Variants in UBAP2 observed in about 807,000 individuals in gnomAD.
UBAP2 encodes the protein ubiquitin-associated protein 2.
A neutral mutation model predicts 139.6 loss-of-function variants in UBAP2; 75 were observed. The ratio of observed to expected loss-of-function variants is 0.54; its 90% CI spans 0.45 to 0.65. The LOEUF (loss-of-function observed/expected upper bound fraction) is 0.65. UBAP2 is among the 30% of genes least tolerant of loss of function. The pLI, the probability that UBAP2 is intolerant of heterozygous loss-of-function variation, is 0.00. For synonymous variants in UBAP2, 526 were observed against 526.2 expected (o/e 1.00, Z 0.01); for missense variants, 1,368 against 1,369.6 (o/e 1.00, Z 0.02).
Position 34,044,655 on chromosome 9 carries a change from A to T in UBAP2, c.-42+4170T>A, listed in dbSNP as rs377548403. On this transcript the variant is annotated intron_variant, in intron 1 of 28. Coordinates refer to ENST00000379238, the MANE Select transcript of UBAP2 (RefSeq NM_001370062.2). ...CAAGGCAGGTGGATCACCTGAGGTCAGGAGTTCCAAGACCAATATGGCCAA... is the reference window on the plus strand; with the variant it reads ...CAAGGCAGGTGGATCACCTGAGGTCTGGAGTTCCAAGACCAATATGGCCAA... Among the ~76,000 whole-genome samples, 8 of 151,880 alleles carry T rather than the reference A, an allele frequency of 5.3e-5. No homozygotes were observed. In the East Asian group the frequency reaches 1.6e-3, roughly 30 times the overall value.
At chr9:34,035,514 A>AAAAAATATATATATATATATATATAT in intron 1 of UBAP2, among the ~76,000 whole-genome samples, 12 of 22,482 alleles carry the variant, frequency 5.3e-4, no homozygotes, top group African/African-American at 1.0e-3. Flanking sequence ...AAAAAAAAAA[A>AAAAAATATATATATATATATATATAT]ATATATATAT....
At chr9:34,048,531 G>A (rs1279889199) in intron 1 of UBAP2, among the ~76,000 whole-genome samples, 1 of 152,144 alleles carries the variant, frequency 6.6e-6, no homozygotes, top group Non-Finnish European at 1.5e-5. Flanking sequence ...GCAGAAACCC[G>A]AAAGGGGGGA....
intron 16 of UBAP2, 110 bp downstream of exon 16, chr9:33,941,539 G>A: frequency 6.4e-6 from 6 of 939,182 alleles, no homozygotes; most frequent in Non-Finnish European, 9.8e-6. Context: ...CTACTCAAAA[G>A]GTTAGTCAAT....
At chr9:33,976,968 C>T (rs139155369) in intron 6 of UBAP2, among the ~76,000 whole-genome samples, 19,109 of 148,572 alleles carry the variant, frequency 0.13, 1,543 homozygotes, top group African/African-American at 0.22. Context: ...GCCGAGATGG[C>T]GCCACTGCAC....
intron 7 of UBAP2, among the ~76,000 whole-genome samples, chr9:33,972,655 A>C (rs1051762226): frequency 3.3e-5 from 5 of 152,206 alleles, no homozygotes; most frequent in South Asian, 2.1e-4. Context: ...AAAGTAAAAA[A>C]ACACCCAGAA....
At chr9:34,023,007 A>C (rs1825095161) in intron 1 of UBAP2, among the ~76,000 whole-genome samples, 1 of 152,074 alleles carries the variant, frequency 6.6e-6, no homozygotes, top group African/African-American at 2.4e-5. Flanking sequence ...CAGGCGGATC[A>C]CGAGGTCAGG....
At chr9:34,037,678 C>T (rs1020985135) in intron 1 of UBAP2, among the ~76,000 whole-genome samples, 3 of 152,072 alleles carry the variant, frequency 2.0e-5, no homozygotes, top group African/African-American at 7.2e-5. Context: ...ATCAGATGAC[C>T]TGACTGGCAA....
intron 1 of UBAP2, among the ~76,000 whole-genome samples, chr9:34,039,004 C>CA (rs1826757207): frequency 6.7e-6 from 1 of 150,042 alleles, no homozygotes; most frequent in East Asian, 2.0e-4. Flanking sequence ...CGTCTCTGCC[C>CA]GGCCGACCCG....
intron 2 of UBAP2, among the ~76,000 whole-genome samples, chr9:34,001,043 A>G (rs1159015369): frequency 1.3e-5 from 2 of 152,172 alleles, no homozygotes; most frequent in Admixed American, 6.6e-5. Flanking sequence ...ACCAACCAAT[A>G]AGTCCCAGTG....
At chr9:34,001,494 T>C (rs1204218445) in intron 2 of UBAP2, among the ~76,000 whole-genome samples, 2 of 152,220 alleles carry the variant, frequency 1.3e-5, no homozygotes, top group East Asian at 3.8e-4. Context: ...CAACAGCTAG[T>C]AGGTAAAACT....
chr9:34,018,510 G>A (rs1226178096), intron 1 of UBAP2, among the ~76,000 whole-genome samples: 1 of 151,954 alleles, frequency 6.6e-6, no homozygotes, highest in African/African-American at 2.4e-5. Context: ...ATTCTGGGTA[G>A]GCACCAAAAA....
At chr9:33,993,971 T>C (rs1373604411) in intron 4 of UBAP2, among the ~76,000 whole-genome samples, 2 of 149,432 alleles carry the variant, frequency 1.3e-5, no homozygotes, top group African/African-American at 2.5e-5. Flanking sequence ...CTCGGCTCAC[T>C]ACAACCTCTG....
intron 11 of UBAP2, among the ~76,000 whole-genome samples, chr9:33,955,423 G>A (rs1646242325): frequency 6.8e-6 from 1 of 146,896 alleles, no homozygotes; most frequent in South Asian, 2.2e-4. Context: ...GGAGGCTGAG[G>A]CAGAAGAATC....
At position 33,994,711 on chromosome 9, in the gene UBAP2, AGT is replaced by A. The variant is rs1491440668; in HGVS notation, c.288+1510_288+1511del. On this transcript the variant is annotated intron_variant, in intron 4 of 28. Transcript: ENST00000379238. Reference sequence around the variant, plus strand: ...AATTTGATGGTTTGTCTTGTGTACCAGTGTTCTCTTACATGGAATTTTACCAA... The same window carrying A: ...AATTTGATGGTTTGTCTTGTGTACCAGTTCTCTTACATGGAATTTTACCAA... The A allele has an allele frequency of 1.6e-4, 24 of 151,994 alleles. No homozygotes were observed. In the South Asian group the frequency reaches 3.9e-3, roughly 25 times the overall value. 9.4% of individuals were successfully genotyped at this position (151,994 alleles called of 1,614,324 possible).
intron 16 of UBAP2, among the ~76,000 whole-genome samples, chr9:33,936,546 A>G (rs140928248): frequency 0.079 from 12,037 of 152,130 alleles, 685 homozygotes; most frequent in Non-Finnish European, 0.12. Flanking sequence ...CACCCACCTC[A>G]GCCTCCCAAA....
intron 16 of UBAP2, among the ~76,000 whole-genome samples, chr9:33,937,513 AAG>A (rs1257400533): frequency 6.6e-6 from 1 of 151,434 alleles, no homozygotes; most frequent in South Asian, 2.1e-4. Context: ...AGGCTGAGGA[AAG>A]AGAATCATTT....
chr9:34,003,216 A>T (rs1822877359), intron 2 of UBAP2, among the ~76,000 whole-genome samples: 1 of 151,120 alleles, frequency 6.6e-6, no homozygotes, highest in South Asian at 2.1e-4. Context: ...GTTTTGGTAG[A>T]GACGGGGTTT....
In UBAP2 at chr9:33,963,784, T is replaced by C. The variant is rs1252541985; in HGVS notation, c.687A>G (p.Ala229=). 2.5e-6 allele frequency: 4 copies of C among 1,611,894 alleles called. No individual in the cohort carries two copies. Among genetic ancestry groups the C allele is most frequent in the Non-Finnish European group, 3.4e-6 (4 of 1,178,214 alleles). The change falls in exon 9 of 29, where the codon GCA becomes GCG. Residue 229 remains alanine, a synonymous_variant. Coordinates refer to ENST00000379238, the MANE Select transcript of UBAP2 (RefSeq NM_001370062.2). The part of the protein sequence containing the change: ...QNGADEGTEL[A]SNTHNIAQDL... ...CCTGAGCTATGTTGTGAGTATTTGATGCCAGTTCTGTGGACCAATGTAAAA... is the reference window on the plus strand; with the variant it reads ...CCTGAGCTATGTTGTGAGTATTTGACGCCAGTTCTGTGGACCAATGTAAAA...
rs529393516 is a variant in UBAP2 at position 33,926,942 on chromosome 9, C to T, written c.2463+47G>A. On this transcript the variant is annotated intron_variant, in intron 21 of 28. Transcript: ENST00000379238. ...CAGGTTCCTGCCAGGTGCCAGCCCC[C>T]GAGGCCAGGGGAGCTGGGCAGGCCA... The T allele has an allele frequency of 2.6e-5, 41 of 1,587,430 alleles. No individual in the cohort carries two copies. The East Asian group carries it at 3.1e-4, about 12-fold the overall frequency.
Sources: gnomAD v4.1 joint callset for allele counts (sites outside exome capture counted in the v4.1 genomes callset) on GRCh38, gnomAD v4.1.1 for gene constraint, MANE v1.5 for transcripts, NCBI Gene and HGNC (gene_info 2026-07-23, HGNC 2026-07-21) for gene names.